Variants in PLXDC2 observed in about 807,000 individuals in gnomAD.
PLXDC2 encodes plexin domain containing 2, also known as plexin domain-containing protein 2.
Under a neutral mutation model 68.9 loss-of-function variants are expected in PLXDC2, and 40 were observed. The ratio of observed to expected loss-of-function variants is 0.58; its 90% CI spans 0.45 to 0.76. The LOEUF is 0.76. Ranked by LOEUF, PLXDC2 falls within the 30% of genes least tolerant of loss-of-function variation. The pLI is 0.00. For missense variants in PLXDC2, 644 were observed against 661.9 expected (o/e 0.97, Z 0.30); for synonymous variants, 243 against 234.2 (o/e 1.04, Z -0.34).
intron 2 of PLXDC2, among the ~76,000 whole-genome samples, chr10:20,030,573 G>A (rs1835486390): frequency 6.6e-6 from 1 of 152,182 alleles, no homozygotes; most frequent in South Asian, 2.1e-4. Context: ...AGAGAGCAAA[G>A]GGTAGGCTCA....
chr10:20,104,714 G>A (rs1385258672), intron 4 of PLXDC2, among the ~76,000 whole-genome samples: 4 of 152,012 alleles, frequency 2.6e-5, no homozygotes, highest in Non-Finnish European at 5.9e-5. Flanking sequence ...ATTTTCAGCA[G>A]TAATCTCTCT....
At chr10:20,251,968 A>G (rs1485441101) in intron 13 of PLXDC2, among the ~76,000 whole-genome samples, 1 of 152,156 alleles carries the variant, frequency 6.6e-6, no homozygotes, top group Admixed American at 6.6e-5. Context: ...GTAAAAACTA[A>G]GAGTACCTAA....
chr10:20,030,955 A>G (rs1024943247), intron 2 of PLXDC2, among the ~76,000 whole-genome samples: 1 of 152,164 alleles, frequency 6.6e-6, no homozygotes, highest in African/African-American at 2.4e-5. Context: ...CCACTTAGAA[A>G]TGAGACAGCA....
intron 4 of PLXDC2, among the ~76,000 whole-genome samples, chr10:20,107,077 G>GTATA (rs767476987): frequency 1.4e-5 from 2 of 146,588 alleles, no homozygotes; most frequent in Non-Finnish European, 3.0e-5. Context: ...TATATATATA[G>GTATA]TATATATATA....
At chr10:20,124,552 A>G (rs1367603592) in intron 4 of PLXDC2, among the ~76,000 whole-genome samples, 3 of 152,288 alleles carry the variant, frequency 2.0e-5, no homozygotes, top group African/African-American at 4.8e-5. Context: ...GTCTGAGTGA[A>G]GAGACCACCA....
At chr10:20,101,565 TATC>T (rs1439364071) in intron 4 of PLXDC2, among the ~76,000 whole-genome samples, 2 of 152,202 alleles carry the variant, frequency 1.3e-5, no homozygotes, top group African/African-American at 4.8e-5. Context: ...GATTAATACT[TATC>T]ATTGAAAAAT....
chr10:20,156,433 C>A (rs991460022), intron 6 of PLXDC2, among the ~76,000 whole-genome samples: 9 of 152,202 alleles, frequency 5.9e-5, no homozygotes, highest in African/African-American at 2.2e-4. Flanking sequence ...TCCTTGAGGA[C>A]TCGGAAAGCC....
chr10:20,174,478 G>C (rs1589665440), intron 7 of PLXDC2, among the ~76,000 whole-genome samples: 1 of 152,194 alleles, frequency 6.6e-6, no homozygotes, highest in East Asian at 1.9e-4. Context: ...TTTCCAATGT[G>C]ATACGCCTGA....
chr10:19,881,532 A>G (rs1401615677), intron 1 of PLXDC2, among the ~76,000 whole-genome samples: 3 of 152,150 alleles, frequency 2.0e-5, no homozygotes, highest in Admixed American at 2.0e-4. Context: ...AACTGTGAGC[A>G]CTTTCTAATT....
In PLXDC2 at chr10:19,917,408, T is replaced by C. The variant is rs562313299; in HGVS notation, c.113-84367T>C. Among the ~76,000 whole-genome samples the C allele has an allele frequency of 7.0e-4, 107 of 152,312 alleles. 1 individual carries two copies. Among genetic ancestry groups the C allele is most frequent in the Middle Eastern group, 3.4e-3 (1 of 294 alleles). ...TGATACTTCAAATCCATCCTGAAAT[T>C]GAGCATCAAAAGTATCACAAAAACT... On this transcript the variant is annotated intron_variant, in intron 1 of 13. Transcript: ENST00000377252.
rs1027714970 is a variant in PLXDC2, at chr10:19,919,512, A to C, written c.113-82263A>C. ...AATTAATAGTTAATTGTTTTAAGGAAAGAAATTAACAAATTGAGCTGATAG... is the reference window on the plus strand; with the variant it reads ...AATTAATAGTTAATTGTTTTAAGGACAGAAATTAACAAATTGAGCTGATAG... On this transcript the variant is annotated intron_variant, in intron 1 of 13. Coordinates refer to ENST00000377252, the MANE Select transcript of PLXDC2 (RefSeq NM_032812.9). 2.6e-5 allele frequency among the ~76,000 whole-genome samples: 4 copies of C among 152,346 alleles called. No homozygotes were observed. The East Asian group carries it at 7.7e-4, about 29-fold the overall frequency.
intron 6 of PLXDC2, among the ~76,000 whole-genome samples, chr10:20,159,374 C>T (rs2131809298): frequency 6.6e-6 from 1 of 152,230 alleles, no homozygotes; most frequent in South Asian, 2.1e-4. Flanking sequence ...TTTATTAAAT[C>T]TATGGGGAGT....
intron 7 of PLXDC2, 79 bp downstream of exon 7, chr10:20,164,646 ACCTG>A: frequency 1.9e-6 from 2 of 1,070,842 alleles, no homozygotes; most frequent in Admixed American, 1.9e-5. Flanking sequence ...TGGCAGCTGT[ACCTG>A]AATTAAAAAA....
intron 1 of PLXDC2, among the ~76,000 whole-genome samples, chr10:19,937,506 C>G (rs1024783238): frequency 1.4e-5 from 2 of 142,730 alleles, no homozygotes; most frequent in Non-Finnish European, 3.0e-5. Context: ...GTTATAGGAA[C>G]TTAATGTTAC....
At chr10:20,068,838 A>G (rs1836266001) in intron 4 of PLXDC2, among the ~76,000 whole-genome samples, 2 of 152,070 alleles carry the variant, frequency 1.3e-5, no homozygotes, top group South Asian at 2.1e-4. Flanking sequence ...TTTAGAGATT[A>G]GCAATATCCT....
chr10:20,158,962 T>A (rs1564336509), intron 6 of PLXDC2, among the ~76,000 whole-genome samples: 5 of 152,166 alleles, frequency 3.3e-5, no homozygotes, highest in Admixed American at 2.6e-4. Context: ...AAGCCTTGGG[T>A]GGCTTCTAGG....
chr10:20,012,287 C>T (rs1379025444), intron 2 of PLXDC2, among the ~76,000 whole-genome samples: 1 of 124,830 alleles, frequency 8.0e-6, no homozygotes, highest in South Asian at 2.8e-4. Flanking sequence ...GGATAAGAGT[C>T]TCTCTCTCTC....
rs530019973 is a variant in PLXDC2 at position 19,843,083 on chromosome 10, C to T, written c.112+25892C>T. ...ATATTTTTTTTTCTATAAAATTTACCGGACCCCTAATGTCTTTACAACGAT... is the reference window on the plus strand; with the variant it reads ...ATATTTTTTTTTCTATAAAATTTACTGGACCCCTAATGTCTTTACAACGAT... On this transcript the variant is annotated intron_variant, in intron 1 of 13. Coordinates refer to ENST00000377252, the MANE Select transcript of PLXDC2 (RefSeq NM_032812.9). 3.6e-4 allele frequency among the ~76,000 whole-genome samples: 55 copies of T among 151,530 alleles called. No homozygotes were observed. The East Asian group carries it at 4.6e-3, about 13-fold the overall frequency.
At chr10:19,822,301 T>C (rs1016331283) in intron 1 of PLXDC2, among the ~76,000 whole-genome samples, 2 of 150,002 alleles carry the variant, frequency 1.3e-5, no homozygotes, top group African/African-American at 4.9e-5. Flanking sequence ...ATATATATAA[T>C]ATATATGCAC....
Sources: gnomAD v4.1 joint callset for allele counts (sites outside exome capture counted in the v4.1 genomes callset) on GRCh38, gnomAD v4.1.1 for gene constraint, MANE v1.5 for transcripts, NCBI Gene and HGNC (gene_info 2026-07-23, HGNC 2026-07-21) for gene names.